The following AK9 variants were observed in gnomAD, a reference collection of about 807,000 sequenced individuals.
The protein encoded by AK9 is adenylate kinase 9, also known as adenylate kinase domain containing 1.
Under a neutral mutation model 239.6 loss-of-function variants are expected in AK9, and 191 were observed. The observed-to-expected ratio is 0.80, with a 90% confidence interval of 0.71 to 0.90. The LOEUF (loss-of-function observed/expected upper bound fraction) is 0.90, where lower values mean the gene tolerates loss of function less well. Ranked by LOEUF, AK9 falls within the 40% of genes least tolerant of loss-of-function variation. The pLI is 0.00. For missense variants in AK9, 1,995 were observed against 2,214.7 expected, an observed-to-expected ratio of 0.90 and a Z score of 1.99; for synonymous variants, 689 against 721.0, an observed-to-expected ratio of 0.96 and a Z score of 0.71.
chr6:109,659,085 T>G lies in AK9; in HGVS notation c.630+143A>C. The G allele has an allele frequency of 2.6e-6, 3 of 1,136,334 alleles. No individual in the cohort carries two copies. In the South Asian group the frequency reaches 6.6e-5, roughly 25 times the overall value. 70.4% of individuals were successfully genotyped at this position (1,136,334 alleles called of 1,614,324 possible). ...CATAATCCTTGAAAACATGAAAGAT[T>G]TTTGCTTATTTCCTCCAAACTCAAT... On this transcript the variant is annotated intron_variant, in intron 7 of 40. Transcript: ENST00000424296.
At chr6:109,557,907 G>A (rs1024025704) in intron 24 of AK9, among the ~76,000 whole-genome samples, 20 of 152,166 alleles carry the variant, frequency 1.3e-4, no homozygotes, top group African/African-American at 4.8e-4. Flanking sequence ...CACTTGGTAT[G>A]GTCAGTCTTT....
chr6:109,562,232 T>C (rs945089136), intron 24 of AK9, among the ~76,000 whole-genome samples: 9 of 152,220 alleles, frequency 5.9e-5, no homozygotes, highest in African/African-American at 2.2e-4. Context: ...CTTTTTCCTC[T>C]GTTGTTTCAT....
At chr6:109,578,888 A>C (rs1329017282) in intron 20 of AK9, among the ~76,000 whole-genome samples, 1 of 152,004 alleles carries the variant, frequency 6.6e-6, no homozygotes, top group African/African-American at 2.4e-5. Flanking sequence ...GTGGTCTGAG[A>C]GAGTACTCGG....
rs894428245 is a variant in AK9 at position 109,662,325 on chromosome 6, A to C, written c.444+226T>G. Among the ~76,000 whole-genome samples the C allele has an allele frequency of 5.3e-5, 8 of 152,218 alleles. 1 individual carries two copies. Among genetic ancestry groups the C allele is most frequent in the Admixed American group, 5.2e-4 (8 of 15,280 alleles). ...AGAGATGATGTATTAACTGACTTTC[A>C]AAGGATGGCTATGAGGAAGCCTGGT... is the stretch of plus-strand genomic sequence containing the variant. On this transcript the variant is annotated intron_variant, in intron 6 of 40. Transcript: ENST00000424296.
chr6:109,656,357 A>C (rs1002831451), intron 8 of AK9, among the ~76,000 whole-genome samples: 2 of 152,200 alleles, frequency 1.3e-5, no homozygotes, highest in Non-Finnish European at 2.9e-5. Context: ...TTAGATTGCA[A>C]TTTAACTAAA....
At chr6:109,554,156 G>A (rs1472005061) in intron 24 of AK9, among the ~76,000 whole-genome samples, 3 of 152,102 alleles carry the variant, frequency 2.0e-5, no homozygotes, top group Non-Finnish European at 4.4e-5. Flanking sequence ...ATTGGCTGAA[G>A]CTTTCTTTTT....
Position 109,608,278 on chromosome 6 carries a change from C to CAA in AK9, c.1842+2085_1842+2086dup, listed in dbSNP as rs568305228. ...TGGGTGACAGAGCGAGACTCTGGCT[C>CAA]AAAAAAAAAAAAAAAAAAAACTACA... On this transcript the variant is annotated intron_variant, in intron 17 of 40. Coordinates refer to ENST00000424296, the MANE Select transcript of AK9 (RefSeq NM_001145128.3). Among the ~76,000 whole-genome samples, 75 of 54,678 alleles carry CAA rather than the reference C, an allele frequency of 1.4e-3. 1 individual carries two copies. The highest frequency in any genetic ancestry group is 0.011 in the Middle Eastern group (1 of 90). 35.9% of individuals were successfully genotyped at this position (54,678 alleles called of 152,430 possible). A position where few individuals can be genotyped will look rare whatever the true frequency, so the allele number is the denominator to read the frequency against.
Position 109,495,505 on chromosome 6 carries a change from G to A in AK9, c.5316-65C>T, listed in dbSNP as rs376557687. 3.5e-6 allele frequency: 4 copies of A among 1,155,496 alleles called. No individual in the cohort carries two copies. In the East Asian group the frequency reaches 9.8e-5, roughly 28 times the overall value. 71.6% of individuals were successfully genotyped at this position (1,155,496 alleles called of 1,614,324 possible). ...TACTCAGTGTGTATAGATAGGAATA[G>A]ACAAGAGACTATTAGAAGATAAAGT... is the stretch of plus-strand genomic sequence containing the variant. On this transcript the variant is annotated intron_variant, in intron 38 of 40. Transcript: ENST00000424296.
chr6:109,645,277 AG>A (rs879853109), intron 8 of AK9, among the ~76,000 whole-genome samples: 12 of 152,318 alleles, frequency 7.9e-5, no homozygotes, highest in Non-Finnish European at 1.3e-4. Context: ...GGGAAGCACA[AG>A]GGGTGGGGGG....
Position 109,641,504 on chromosome 6 carries a change from T to G in AK9, c.933+14A>C. 6.3e-7 allele frequency: 1 copy of G among 1,598,698 alleles called. No individual in the cohort carries two copies. The highest frequency in any genetic ancestry group is 8.6e-7 in the Non-Finnish European group (1 of 1,166,586). ...ATTGAAAATTAGACTTTCAGACAGT[T>G]CCATATAACTTACATTTTCCATTGT... On this transcript the variant is annotated intron_variant, in intron 10 of 40. Coordinates refer to ENST00000424296, the MANE Select transcript of AK9 (RefSeq NM_001145128.3).
chr6:109,518,132 A>C (rs1423410684), intron 29 of AK9, among the ~76,000 whole-genome samples: 3 of 152,024 alleles, frequency 2.0e-5, no homozygotes, highest in African/African-American at 7.3e-5. Context: ...CTGGTCATTT[A>C]GTTTAGTGAA....
At chr6:109,665,849 G>A (rs1038751065) in intron 5 of AK9, among the ~76,000 whole-genome samples, 1 of 152,188 alleles carries the variant, frequency 6.6e-6, no homozygotes, top group African/African-American at 2.4e-5. Flanking sequence ...ATCGTAAGTG[G>A]ATCACAGAAA....
At chr6:109,661,525 T>C (rs731878) in intron 6 of AK9, among the ~76,000 whole-genome samples, 22,377 of 152,216 alleles carry the variant, frequency 0.15, 1,732 homozygotes, top group South Asian at 0.18. Flanking sequence ...TTTCCTAGGC[T>C]TAGTTTTTGT....
chr6:109,591,870 A>T (rs905820992), intron 17 of AK9, among the ~76,000 whole-genome samples: 11 of 151,940 alleles, frequency 7.2e-5, no homozygotes, highest in African/African-American at 2.7e-4. Context: ...AGAAAAAAAA[A>T]AAGTGCAGTT....
intron 3 of AK9, among the ~76,000 whole-genome samples, chr6:109,672,607 G>T (rs1455460441): frequency 6.6e-6 from 1 of 152,070 alleles, no homozygotes; most frequent in African/African-American, 2.4e-5. Context: ...GATCACTTGA[G>T]CCCAGGAGGT....
chr6:109,659,453 A>T, intron 6 of AK9, 40 bp from the exon 7 acceptor site: 2 of 1,564,374 alleles, frequency 1.3e-6, no homozygotes, highest in Non-Finnish European at 1.7e-6. Flanking sequence ...AACATTTTGA[A>T]TATGCTTTTA....
At chr6:109,673,650 A>G (rs1264768677) in intron 3 of AK9, among the ~76,000 whole-genome samples, 1 of 152,116 alleles carries the variant, frequency 6.6e-6, no homozygotes, top group East Asian at 1.9e-4. Flanking sequence ...TTCCTAAGAA[A>G]AGCTGTGAGA....
chr6:109,494,191 T>C, intron 39 of AK9, 96 bp from the exon 40 acceptor site: 1 of 810,672 alleles, frequency 1.2e-6, no homozygotes, highest in Non-Finnish European at 2.0e-6. Context: ...TTTCTTTGCC[T>C]CAAATAGCCC....
intron 19 of AK9, 27 bp downstream of exon 19, chr6:109,585,095 CT>C: frequency 7.4e-6 from 8 of 1,074,196 alleles, no homozygotes; most frequent in Non-Finnish European, 9.3e-6. Context: ...ATACATTAAT[CT>C]GTTTTATCAT....
Sources: allele counts gnomAD v4.1 joint callset (sites outside exome capture counted in the v4.1 genomes callset), GRCh38; gene constraint gnomAD v4.1.1; transcripts MANE v1.5; gene names NCBI Gene and HGNC (gene_info 2026-07-23, HGNC 2026-07-21).